PREX2: variants seen among roughly 807,000 people sequenced by gnomAD.
PREX2 encodes the protein phosphatidylinositol 3,4,5-trisphosphate-dependent Rac exchanger 2 protein.
PREX2 carries 107 observed loss-of-function variants against 203.2 expected under a neutral mutation model. The ratio of observed to expected loss-of-function variants is 0.53; its 90% CI spans 0.45 to 0.62. The LOEUF (loss-of-function observed/expected upper bound fraction) is 0.62, where lower values mean the gene tolerates loss of function less well. PREX2 is among the 20% of genes least tolerant of loss of function. The pLI, the probability that PREX2 is intolerant of heterozygous loss-of-function variation, is 0.00. For synonymous variants in PREX2, 672 were observed against 663.6 expected (o/e 1.01, Z -0.19); for missense variants, 1,777 against 1,955.9 (o/e 0.91, Z 1.72).
intron 35 of PREX2, among the ~76,000 whole-genome samples, chr8:68,168,135 A>T (rs2129614157): frequency 6.6e-6 from 1 of 152,316 alleles, no homozygotes; most frequent in Non-Finnish European, 1.5e-5. Context: ...CGGATTTCTC[A>T]TCTTTTTATT....
At chr8:68,082,837 G>T in intron 17 of PREX2, 1 of 159,246 alleles carries the variant, frequency 6.3e-6, no homozygotes, top group South Asian at 1.8e-4. Flanking sequence ...TACATATTTG[G>T]GTGTCATTGA....
intron 37 of PREX2, among the ~76,000 whole-genome samples, chr8:68,206,087 C>T (rs376706853): frequency 6.6e-6 from 1 of 152,122 alleles, no homozygotes; most frequent in Non-Finnish European, 1.5e-5. Context: ...TATTAATCTA[C>T]GTGATTCGAA....
At chr8:68,060,146 G>C (rs1254420719) in intron 10 of PREX2, among the ~76,000 whole-genome samples, 6 of 152,186 alleles carry the variant, frequency 3.9e-5, no homozygotes, top group African/African-American at 1.4e-4. Flanking sequence ...GGAGGGCAGT[G>C]AGAAGATTTC....
At position 68,044,512 on chromosome 8, in the gene PREX2, A is replaced by G. The variant is rs1195937492; in HGVS notation, c.865A>G (p.Thr289Ala). ...ACGGTTGAAGAACAGCAAGGCATCT[A>G]CAGATGGACATCGGTACCTTTTTCG... ...HRRLKNSKAS[T>A]DGHRYLFRGR... The change falls in exon 8 of 40, where the codon ACA (threonine) becomes GCA (alanine). Residue 289 changes from threonine (T) to alanine (A), a missense_variant. By Grantham distance (58) the Thr-to-Ala change is moderately conservative. Transcript: ENST00000288368. 5.6e-6 allele frequency: 9 copies of G among 1,612,826 alleles called. No homozygotes were observed. The highest frequency in any genetic ancestry group is 1.3e-5 in the African/African-American group (1 of 74,980).
intron 1 of PREX2, among the ~76,000 whole-genome samples, chr8:67,970,801 A>C (rs917996853): frequency 2.6e-5 from 4 of 152,202 alleles, no homozygotes; most frequent in Admixed American, 6.5e-5. Context: ...GAGACTGGGG[A>C]TGCAGGGCTC....
chr8:68,053,395 T>A, intron 9 of PREX2, 149 bp downstream of exon 9: 1 of 774,616 alleles, frequency 1.3e-6, no homozygotes, highest in Non-Finnish European at 2.1e-6. Flanking sequence ...GTTTTGACAT[T>A]GAAAGCAATT....
In PREX2 at chr8:68,060,718, C is replaced by T; in HGVS notation, c.1278C>T (p.His426=). Residue 426 remains histidine, a synonymous_variant, in exon 11 of 40, where the codon CAC becomes CAT. Transcript: ENST00000288368. The part of the protein sequence containing the change: ...VSWLLEIGEI[H]RPEEGVHLGQ... ...GGCTGTTGGAAATTGGAGAGATTCACAGGCCTGAGGAAGGCGTGCACTTGG... is the reference window on the plus strand; with the variant it reads ...GGCTGTTGGAAATTGGAGAGATTCATAGGCCTGAGGAAGGCGTGCACTTGG... 1.2e-6 allele frequency: 2 copies of T among 1,612,860 alleles called. No individual in the cohort carries two copies. The highest frequency in any genetic ancestry group is 1.1e-5 in the South Asian group (1 of 90,704).
chr8:68,036,266 A>G (rs1178218459), intron 6 of PREX2, among the ~76,000 whole-genome samples: 2 of 152,238 alleles, frequency 1.3e-5, no homozygotes, highest in Non-Finnish European at 2.9e-5. Context: ...TAACGATGTC[A>G]TAATAGTTAG....
At chr8:68,188,053 C>A (rs1430287312) in intron 35 of PREX2, among the ~76,000 whole-genome samples, 2 of 152,170 alleles carry the variant, frequency 1.3e-5, no homozygotes, top group African/African-American at 4.8e-5. Flanking sequence ...ATCTGCTGAT[C>A]ACTGTTGCTT....
chr8:68,098,862 A>G (rs1275380349), intron 22 of PREX2, among the ~76,000 whole-genome samples: 2 of 150,190 alleles, frequency 1.3e-5, no homozygotes, highest in Non-Finnish European at 1.5e-5. Context: ...GTTTCACAGA[A>G]TATTATAAAA....
chr8:68,062,743 A>G (rs80139071), intron 11 of PREX2, among the ~76,000 whole-genome samples: 2 of 147,208 alleles, frequency 1.4e-5, no homozygotes, highest in African/African-American at 5.0e-5. Context: ...CCAATGTCCT[A>G]TTTTTTTTTT....
chr8:68,036,184 G>A (rs1384972695), intron 6 of PREX2, among the ~76,000 whole-genome samples: 1 of 152,092 alleles, frequency 6.6e-6, no homozygotes, highest in Non-Finnish European at 1.5e-5. Context: ...AAAGTCAAAC[G>A]AACGAACAGG....
intron 13 of PREX2, among the ~76,000 whole-genome samples, chr8:68,071,652 A>G (rs1337389995): frequency 1.3e-5 from 2 of 152,122 alleles, no homozygotes; most frequent in Non-Finnish European, 2.9e-5. Flanking sequence ...CAGAACTTTG[A>G]ATGGTTTCTC....
intron 8 of PREX2, among the ~76,000 whole-genome samples, chr8:68,049,326 T>C (rs1808453891): frequency 6.8e-6 from 1 of 148,132 alleles, no homozygotes; most frequent in Admixed American, 6.7e-5. Context: ...TTGAATACAT[T>C]ATTTAGACAT....
chr8:68,042,901 G>C (rs1808240477), intron 7 of PREX2, among the ~76,000 whole-genome samples: 1 of 151,930 alleles, frequency 6.6e-6, no homozygotes, highest in Non-Finnish European at 1.5e-5. Flanking sequence ...ATAAAAAATT[G>C]ATATATTGAA....
At chr8:68,160,229 A>G (rs548610076) in intron 35 of PREX2, among the ~76,000 whole-genome samples, 1 of 152,284 alleles carries the variant, frequency 6.6e-6, no homozygotes, top group South Asian at 2.1e-4. Flanking sequence ...TCCTTGCATG[A>G]ACTTCTTTGA....
At chr8:68,105,093 G>C (rs761950366) in intron 23 of PREX2, 3 of 1,349,682 alleles carry the variant, frequency 2.2e-6, no homozygotes, top group Non-Finnish European at 3.0e-6. Flanking sequence ...ATGTTCTCAT[G>C]CATGAACCAC....
In PREX2 at chr8:67,952,398, A is replaced by T; in HGVS notation, c.4A>T (p.Ser2Cys). 1 of 1,550,334 alleles carries T rather than the reference A, an allele frequency of 6.5e-7. No individual in the cohort carries two copies. The highest frequency in any genetic ancestry group is 8.7e-7 in the Non-Finnish European group (1 of 1,149,194). ...GCGCTGCGCACCGCCGCCGACCATG[A>T]GCGAGGACAGCCGCGGAGACAGCCG... Reference protein sequence around the residue: MSEDSRGDSRAE... With the variant: MCEDSRGDSRAE... Residue 2 changes from serine to cysteine, a missense_variant, in exon 1 of 40, where the codon AGC becomes TGC. Ser to Cys is a moderately radical substitution (Grantham distance 112). Transcript: ENST00000288368.
intron 33 of PREX2, among the ~76,000 whole-genome samples, chr8:68,138,875 T>G (rs545402135): frequency 1.3e-5 from 2 of 152,144 alleles, no homozygotes; most frequent in Non-Finnish European, 2.9e-5. Context: ...ATGAGTATCG[T>G]GTGTATTAGG....
Sources: gnomAD v4.1 joint callset for allele counts (sites outside exome capture counted in the v4.1 genomes callset) on GRCh38, gnomAD v4.1.1 for gene constraint, MANE v1.5 for transcripts, NCBI Gene and HGNC (gene_info 2026-07-23, HGNC 2026-07-21) for gene names.